Variants in SMYD3 observed in about 807,000 individuals in gnomAD.
The protein encoded by SMYD3 is SET and MYND domain containing 3, also known as histone-lysine N-methyltransferase SMYD3.
A neutral mutation model predicts 57.7 loss-of-function variants in SMYD3; 36 were observed. That is an observed-to-expected ratio of 0.62 (90% CI 0.48 to 0.82). The LOEUF (loss-of-function observed/expected upper bound fraction) is 0.82. SMYD3 is among the 40% of genes least tolerant of loss of function. The probability of loss-of-function intolerance (pLI) is 0.00; values close to 1 mark genes in which losing one functional copy is unlikely to be tolerated. For synonymous variants in SMYD3, 211 were observed against 195.0 expected, an observed-to-expected ratio of 1.08 and a Z score of -0.68; for missense variants, 515 against 538.8, an observed-to-expected ratio of 0.96 and a Z score of 0.44.
At chr1:246,043,369 T>G (rs1045149613) in intron 5 of SMYD3, among the ~76,000 whole-genome samples, 1 of 152,202 alleles carries the variant, frequency 6.6e-6, no homozygotes, top group Non-Finnish European at 1.5e-5. Context: ...ATAAAATGCT[T>G]CAACACCCAC....
At position 246,138,588 on chromosome 1, in the gene SMYD3, G is replaced by A. The variant is rs1032569560; in HGVS notation, c.531+188613C>T. Among the ~76,000 whole-genome samples the A allele has an allele frequency of 1.4e-4, 17 of 122,834 alleles. 1 individual carries two copies. Among genetic ancestry groups the A allele is most frequent in the Non-Finnish European group, 2.6e-4 (13 of 49,644 alleles). 80.6% of individuals were successfully genotyped at this position (122,834 alleles called of 152,430 possible). Reference sequence around the variant, plus strand: ...CTGCAGGCTCCCGCCACCACGCCCGGCTAATTTTTTGTATTTTTAGTAGAG... The same window carrying A: ...CTGCAGGCTCCCGCCACCACGCCCGACTAATTTTTTGTATTTTTAGTAGAG... On this transcript the variant is annotated intron_variant, in intron 5 of 11. Transcript: ENST00000490107.
At chr1:246,029,409 T>C (rs2059627849) in intron 5 of SMYD3, among the ~76,000 whole-genome samples, 1 of 152,184 alleles carries the variant, frequency 6.6e-6, no homozygotes, top group South Asian at 2.1e-4. Context: ...CGGTGGCTCA[T>C]GCCTGTAATC....
At chr1:245,919,619 G>T (rs1413384226) in intron 7 of SMYD3, among the ~76,000 whole-genome samples, 1 of 152,170 alleles carries the variant, frequency 6.6e-6, no homozygotes, top group East Asian at 1.9e-4. Context: ...GGAAAAAACA[G>T]CCAGATTACT....
chr1:246,278,129 T>C (rs1328391597), intron 5 of SMYD3, among the ~76,000 whole-genome samples: 2 of 152,072 alleles, frequency 1.3e-5, no homozygotes, highest in Non-Finnish European at 2.9e-5. Context: ...GGATTTTCAA[T>C]GCCTCAGGTC....
chr1:246,150,423 G>C (rs1406762080), intron 5 of SMYD3, among the ~76,000 whole-genome samples: 1 of 152,154 alleles, frequency 6.6e-6, no homozygotes. Context: ...TTATTCTGAA[G>C]GGTTGTATTT....
chr1:246,284,573 C>T (rs1487600090), intron 5 of SMYD3, among the ~76,000 whole-genome samples: 3 of 151,886 alleles, frequency 2.0e-5, no homozygotes, highest in Non-Finnish European at 4.4e-5. Flanking sequence ...CCCGCCACCA[C>T]ACCCGGCTAA....
chr1:246,157,348 G>C (rs2062037425), intron 5 of SMYD3, among the ~76,000 whole-genome samples: 1 of 152,128 alleles, frequency 6.6e-6, no homozygotes, highest in South Asian at 2.1e-4. Context: ...TCTTGTCCCA[G>C]AGCCCACGTT....
intron 5 of SMYD3, among the ~76,000 whole-genome samples, chr1:246,047,679 A>T (rs2059992642): frequency 6.6e-6 from 1 of 152,110 alleles, no homozygotes; most frequent in South Asian, 2.1e-4. Flanking sequence ...TCTACAAAAA[A>T]CACAAAAAAA....
At chr1:245,973,912 T>A (rs1469339203) in intron 5 of SMYD3, among the ~76,000 whole-genome samples, 1 of 152,256 alleles carries the variant, frequency 6.6e-6, no homozygotes, top group African/African-American at 2.4e-5. Flanking sequence ...TCCTGGATGT[T>A]AAATTCAATT....
intron 8 of SMYD3, among the ~76,000 whole-genome samples, chr1:245,892,347 A>T (rs1267606235): frequency 6.6e-6 from 1 of 152,226 alleles, no homozygotes; most frequent in African/African-American, 2.4e-5. Flanking sequence ...TACATATATT[A>T]TCTAATTATC....
chr1:245,840,424 T>C (rs2050340936), intron 10 of SMYD3, among the ~76,000 whole-genome samples: 1 of 152,202 alleles, frequency 6.6e-6, no homozygotes, highest in African/African-American at 2.4e-5. Context: ...GAGAATTTTA[T>C]ATTCTAATTC....
intron 5 of SMYD3, among the ~76,000 whole-genome samples, chr1:245,950,869 C>A (rs1332620748): frequency 1.3e-5 from 2 of 152,196 alleles, no homozygotes; most frequent in Non-Finnish European, 2.9e-5. Flanking sequence ...TCACCTATCA[C>A]ACCGCTCTCT....
chr1:245,876,488 C>T (rs2052493911), intron 8 of SMYD3, among the ~76,000 whole-genome samples: 1 of 152,196 alleles, frequency 6.6e-6, no homozygotes, highest in African/African-American at 2.4e-5. Flanking sequence ...CTCTTCGTGC[C>T]GACATGGTTA....
chr1:246,256,889 T>G (rs1352108347), intron 5 of SMYD3, among the ~76,000 whole-genome samples: 1 of 152,132 alleles, frequency 6.6e-6, no homozygotes, highest in Non-Finnish European at 1.5e-5. Flanking sequence ...TTATTTAAAT[T>G]TTTTTTATTT....
chr1:245,781,070 GTGGT>G (rs1452453540), intron 10 of SMYD3, among the ~76,000 whole-genome samples: 1 of 152,200 alleles, frequency 6.6e-6, no homozygotes, highest in Non-Finnish European at 1.5e-5. Context: ...AAGCAGAAAT[GTGGT>G]TACCTGGAGC....
At chr1:246,183,587 CA>C (rs76839106) in intron 5 of SMYD3, among the ~76,000 whole-genome samples, 272 of 141,330 alleles carry the variant, frequency 1.9e-3, no homozygotes, top group East Asian at 4.4e-3. Context: ...TGTCCAGCAC[CA>C]AAAAAAAAAA....
At chr1:246,208,097 G>T (rs1177472172) in intron 5 of SMYD3, among the ~76,000 whole-genome samples, 1 of 152,104 alleles carries the variant, frequency 6.6e-6, no homozygotes, top group Non-Finnish European at 1.5e-5. Context: ...TTTGAAATTT[G>T]TGTCTATATG....
At chr1:246,443,609 G>A (rs1187892942) in intron 1 of SMYD3, among the ~76,000 whole-genome samples, 3 of 152,218 alleles carry the variant, frequency 2.0e-5, no homozygotes, top group Non-Finnish European at 2.9e-5. Flanking sequence ...TTGGGCTGGT[G>A]TAGTGGCAGG....
intron 5 of SMYD3, among the ~76,000 whole-genome samples, chr1:246,174,786 G>A (rs1020543806): frequency 6.6e-6 from 1 of 152,172 alleles, no homozygotes; most frequent in Non-Finnish European, 1.5e-5. Flanking sequence ...GGAGAGTGGA[G>A]TCTCAACAAT....
Sources: allele counts gnomAD v4.1 joint callset (sites outside exome capture counted in the v4.1 genomes callset), GRCh38; gene constraint gnomAD v4.1.1; transcripts MANE v1.5; gene names NCBI Gene and HGNC (gene_info 2026-07-23, HGNC 2026-07-21).